STK33: variants seen among roughly 807,000 people sequenced by gnomAD.
STK33 encodes the protein serine/threonine kinase 33, also known as serine/threonine-protein kinase 33.
In STK33, 52 loss-of-function variants were observed where a neutral mutation model predicts 58.0. The observed-to-expected ratio is 0.90, with a 90% CI of 0.72 to 1.13. STK33 has a LOEUF of 1.13. Among genes scored for constraint, STK33 ranks in the 50% most tolerant of loss-of-function variants. STK33 has a pLI of 0.00. For missense variants in STK33, 630 were observed against 604.2 expected (o/e 1.04, Z -0.45); for synonymous variants, 215 against 200.1 (o/e 1.07, Z -0.63).
intron 15 of STK33, among the ~76,000 whole-genome samples, chr11:8,404,837 C>G (rs1938802333): frequency 6.6e-6 from 1 of 152,188 alleles, no homozygotes; most frequent in African/African-American, 2.4e-5. Flanking sequence ...TAAATGAATG[C>G]TTAACCTTAA....
At chr11:8,483,333 G>C (rs968576831) in intron 1 of STK33, among the ~76,000 whole-genome samples, 21 of 152,240 alleles carry the variant, frequency 1.4e-4, no homozygotes, top group Admixed American at 2.0e-4. Context: ...AAATAGGAGA[G>C]AGAAAGTCGA....
intron 1 of STK33, among the ~76,000 whole-genome samples, chr11:8,538,131 T>C (rs1955198739): frequency 6.6e-6 from 1 of 151,398 alleles, no homozygotes; most frequent in Non-Finnish European, 1.5e-5. Context: ...GAGATTGCAG[T>C]GAGCCAAGAA....
At chr11:8,426,880 C>T (rs1046163770) in intron 14 of STK33, among the ~76,000 whole-genome samples, 1 of 152,156 alleles carries the variant, frequency 6.6e-6, no homozygotes, top group African/African-American at 2.4e-5. Flanking sequence ...CTTTAAAAAT[C>T]TGATGCCTCC....
chr11:8,569,574 C>A (rs1957665985), intron 1 of STK33, among the ~76,000 whole-genome samples: 1 of 152,094 alleles, frequency 6.6e-6, no homozygotes, highest in Non-Finnish European at 1.5e-5. Context: ...TTAGAAAGAA[C>A]ACAGAAAACA....
At chr11:8,508,127 G>A (rs1440298581) in intron 1 of STK33, among the ~76,000 whole-genome samples, 1 of 152,108 alleles carries the variant, frequency 6.6e-6, no homozygotes, top group African/African-American at 2.4e-5. Flanking sequence ...CTGACCTCAG[G>A]TGATCTGCCC....
intron 3 of STK33, among the ~76,000 whole-genome samples, chr11:8,476,994 A>G (rs1168576602): frequency 6.6e-6 from 1 of 152,176 alleles, no homozygotes; most frequent in Admixed American, 6.5e-5. Flanking sequence ...AAGTCTGCCC[A>G]ATAAATATGA....
At chr11:8,405,371 T>C (rs548239573) in intron 15 of STK33, among the ~76,000 whole-genome samples, 1 of 152,210 alleles carries the variant, frequency 6.6e-6, no homozygotes, top group Non-Finnish European at 1.5e-5. Context: ...TATTGACTAC[T>C]TGTATATCTT....
chr11:8,470,050 C>T (rs10769909), intron 6 of STK33, among the ~76,000 whole-genome samples: 14,261 of 152,234 alleles, frequency 0.094, 1,578 homozygotes, highest in African/African-American at 0.27. Context: ...CTTAAAGTCA[C>T]CAGCTTCATT....
At chr11:8,352,390 G>A in the STK33 span, among the ~76,000 whole-genome samples, 1 of 152,146 alleles carries the variant, frequency 6.6e-6, no homozygotes, top group Non-Finnish European at 1.5e-5. Context: ...TCTGGGGGTG[G>A]CAGCCCCAAG....
chr11:8,491,856 T>G (rs141779604), intron 1 of STK33, among the ~76,000 whole-genome samples: 445 of 152,274 alleles, frequency 2.9e-3, no homozygotes, highest in South Asian at 0.013. Flanking sequence ...GCTTCACAAG[T>G]GAAGAGGAAA....
chr11:8,557,711 T>C (rs1041583079), intron 1 of STK33, among the ~76,000 whole-genome samples: 10 of 152,012 alleles, frequency 6.6e-5, no homozygotes, highest in Non-Finnish European at 1.5e-4. Flanking sequence ...CAATGAAAGA[T>C]TTTTACTTCA....
chr11:8,461,748 G>T, intron 8 of STK33, 57 bp downstream of exon 8: 1 of 1,334,524 alleles, frequency 7.5e-7, no homozygotes, highest in South Asian at 1.5e-5. Flanking sequence ...AGAATGGAAT[G>T]ATATTCATTT....
intron 1 of STK33, among the ~76,000 whole-genome samples, chr11:8,526,754 A>C (rs892327749): frequency 8.6e-5 from 13 of 151,394 alleles, no homozygotes; most frequent in Non-Finnish European, 1.5e-4. Context: ...ATACACTAAA[A>C]ACACACACAC....
At chr11:8,487,546 C>A (rs1021148152) in intron 1 of STK33, among the ~76,000 whole-genome samples, 2 of 151,450 alleles carry the variant, frequency 1.3e-5, no homozygotes, top group African/African-American at 4.9e-5. Flanking sequence ...ACAAGAGAAC[C>A]AAGAAAAGAA....
intron 1 of STK33, among the ~76,000 whole-genome samples, chr11:8,580,120 T>C (rs543820680): frequency 6.6e-6 from 1 of 152,262 alleles, no homozygotes; most frequent in South Asian, 2.1e-4. Context: ...GTGGGGTATA[T>C]ACACAAAAGA....
the STK33 span, among the ~76,000 whole-genome samples, chr11:8,349,329 C>G: frequency 3.9e-5 from 6 of 152,128 alleles, no homozygotes; most frequent in Non-Finnish European, 5.9e-5. Flanking sequence ...TTTTTCCCTT[C>G]CTGGAGAACC....
intron 14 of STK33, among the ~76,000 whole-genome samples, chr11:8,432,703 GAGA>G (rs1943564948): frequency 6.6e-6 from 1 of 152,194 alleles, no homozygotes; most frequent in Admixed American, 6.5e-5. Flanking sequence ...AGGGCGCTGA[GAGA>G]ACTACATATT....
In STK33 at chr11:8,516,427, T is replaced by C. The variant is rs1288302197; in HGVS notation, c.-465-35813A>G. Among the ~76,000 whole-genome samples the C allele has an allele frequency of 3.3e-5, 5 of 152,284 alleles. 1 individual carries two copies. In the South Asian group the frequency reaches 8.3e-4, roughly 25 times the overall value. ...CAGCTCCAGTCTGCAGCTCCCAGCG[T>C]GAGCGACAAAGAAGATGGGTGATTT... is the stretch of plus-strand genomic sequence containing the variant. On this transcript the variant is annotated intron_variant, in intron 1 of 15. Transcript: ENST00000687296.
At chr11:8,417,848 C>T (rs1017413972) in intron 14 of STK33, among the ~76,000 whole-genome samples, 1 of 152,036 alleles carries the variant, frequency 6.6e-6, no homozygotes. Context: ...CACTTACTTG[C>T]TTTTTATGAG....
Sources: allele counts gnomAD v4.1 joint callset (sites outside exome capture counted in the v4.1 genomes callset), GRCh38; gene constraint gnomAD v4.1.1; transcripts MANE v1.5; gene names NCBI Gene and HGNC (gene_info 2026-07-23, HGNC 2026-07-21).